METTL25: variants seen among roughly 807,000 people sequenced by gnomAD.
METTL25 encodes methyltransferase like 25.
Under a neutral mutation model 71.6 loss-of-function variants are expected in METTL25, and 64 were observed. That is an observed-to-expected ratio of 0.89 (90% CI 0.73 to 1.10). The LOEUF (loss-of-function observed/expected upper bound fraction) is 1.10, where lower values mean the gene tolerates loss of function less well. Among genes scored for constraint, METTL25 ranks in the 50% least tolerant of loss-of-function variants. METTL25 has a pLI of 0.00. For missense variants in METTL25, 807 were observed against 707.0 expected, an observed-to-expected ratio of 1.14 and a Z score of -1.60; for synonymous variants, 287 against 250.3, an observed-to-expected ratio of 1.15 and a Z score of -1.38.
chr12:82,377,697 TAATTG>T (rs1402307853), intron 1 of METTL25, among the ~76,000 whole-genome samples: 6 of 152,212 alleles, frequency 3.9e-5, no homozygotes, highest in Non-Finnish European at 7.3e-5. Flanking sequence ...AAAAAACAGT[TAATTG>T]AATTGTTTGT....
Position 82,434,715 on chromosome 12 carries a change from TG to T in METTL25, c.1397del (p.Gly466AlafsTer50). 6.2e-7 allele frequency: 1 copy of T among 1,609,534 alleles called. No individual in the cohort carries two copies. The highest frequency in any genetic ancestry group is 8.5e-7 in the Non-Finnish European group (1 of 1,176,914). The part of the protein sequence containing the change: ...ACLALERVAA[G>X]QGLPTESLFY... ...TTAAGGCATTGGAGCGGGTTGCAGC[TG>T]GCCAAGGGGTAAGTAAGAGTGTTAA... On this transcript the variant is annotated frameshift_variant, in exon 7 of 12. Coordinates refer to ENST00000248306, the MANE Select transcript of METTL25 (RefSeq NM_032230.3). LOFTEE classifies it high-confidence loss of function.
rs763000036 is a variant in METTL25 at position 82,403,150 on chromosome 12, C to T, written c.1279+20C>T. 6.3e-7 allele frequency: 1 copy of T among 1,590,912 alleles called. No homozygotes were observed. The highest frequency in any genetic ancestry group is 1.8e-5 in the Admixed American group (1 of 54,444). On this transcript the variant is annotated intron_variant, in intron 5 of 11. Transcript: ENST00000248306. ...ATAAAGGTACAAGTTCCCCATGTGT[C>T]ATAATTTTTATTCATTTGAGCATAA... is the stretch of plus-strand genomic sequence containing the variant.
At chr12:82,400,878 A>G (rs760604091) in intron 4 of METTL25, among the ~76,000 whole-genome samples, 7 of 152,162 alleles carry the variant, frequency 4.6e-5, no homozygotes, top group African/African-American at 7.2e-5. Flanking sequence ...CTAATCTTAT[A>G]TGATAAATAC....
intron 9 of METTL25, among the ~76,000 whole-genome samples, chr12:82,461,097 C>T (rs1204316265): frequency 3.3e-5 from 5 of 152,064 alleles, no homozygotes; most frequent in East Asian, 1.9e-4. Flanking sequence ...GAGCCAAGAT[C>T]GTGCCACTGC....
chr12:82,409,615 T>G (rs2137053878), intron 5 of METTL25, among the ~76,000 whole-genome samples: 2 of 152,222 alleles, frequency 1.3e-5, no homozygotes, highest in South Asian at 4.1e-4. Flanking sequence ...GGTGCAAATT[T>G]GTGACTGATC....
At chr12:82,434,588 ATAAT>A (rs552388192) in intron 6 of METTL25, 103 bp from the exon 7 acceptor site, 35 of 864,254 alleles carry the variant, frequency 4.0e-5, no homozygotes, top group Admixed American at 2.1e-4. Flanking sequence ...ATATTATCAC[ATAAT>A]TAATCTTTCT....
intron 6 of METTL25, among the ~76,000 whole-genome samples, chr12:82,432,078 A>G (rs185816142): frequency 3.5e-4 from 53 of 151,852 alleles, no homozygotes; most frequent in South Asian, 6.2e-4. Flanking sequence ...AATTTATGCA[A>G]TAAAATATTT....
At chr12:82,374,640 C>T (rs909963449) in intron 1 of METTL25, among the ~76,000 whole-genome samples, 1 of 152,176 alleles carries the variant, frequency 6.6e-6, no homozygotes, top group African/African-American at 2.4e-5. Context: ...GCTGGATTCA[C>T]CTCTGTTTGT....
chr12:82,376,400 GCT>G (rs1227975772), intron 1 of METTL25, among the ~76,000 whole-genome samples: 4 of 152,164 alleles, frequency 2.6e-5, no homozygotes. Flanking sequence ...TGCAAGTCAA[GCT>G]GTTCTTCATT....
intron 1 of METTL25, among the ~76,000 whole-genome samples, chr12:82,365,385 C>A (rs80273913): frequency 0.058 from 8,828 of 152,224 alleles, 354 homozygotes; most frequent in African/African-American, 0.11. Flanking sequence ...GAACAAGTAT[C>A]ACTTCAGGTT....
intron 7 of METTL25, among the ~76,000 whole-genome samples, chr12:82,435,021 G>GTGCT (rs750736742): frequency 1.3e-5 from 2 of 151,304 alleles, no homozygotes; most frequent in Non-Finnish European, 3.0e-5. Context: ...AGGTTTTTAG[G>GTGCT]TGCTTAGTTC....
chr12:82,416,847 T>C (rs1888027670), intron 5 of METTL25, among the ~76,000 whole-genome samples: 1 of 152,112 alleles, frequency 6.6e-6, no homozygotes, highest in Non-Finnish European at 1.5e-5. Context: ...TTCAATATAG[T>C]GTTTAATACA....
intron 9 of METTL25, among the ~76,000 whole-genome samples, chr12:82,471,006 T>C (rs1892539189): frequency 6.6e-6 from 1 of 152,192 alleles, no homozygotes; most frequent in Admixed American, 6.5e-5. Flanking sequence ...GACAAGATGC[T>C]TGCTTTCAAA....
chr12:82,398,458 A>AT (rs1886276745), intron 3 of METTL25, among the ~76,000 whole-genome samples: 1 of 152,024 alleles, frequency 6.6e-6, no homozygotes, highest in Non-Finnish European at 1.5e-5. Flanking sequence ...GCCCTGACAC[A>AT]TTGCTAAATT....
intron 5 of METTL25, among the ~76,000 whole-genome samples, chr12:82,426,008 G>A (rs1888981296): frequency 6.6e-6 from 1 of 152,044 alleles, no homozygotes; most frequent in South Asian, 2.1e-4. Flanking sequence ...GATAAAGGAT[G>A]ATTAATGCTT....
intron 8 of METTL25, among the ~76,000 whole-genome samples, chr12:82,447,573 G>T (rs1033263836): frequency 6.6e-6 from 1 of 151,502 alleles, no homozygotes; most frequent in African/African-American, 2.4e-5. Flanking sequence ...TGGTAAACAA[G>T]CAAGAACAAC....
At chr12:82,477,682 C>T (rs914949766) in intron 11 of METTL25, among the ~76,000 whole-genome samples, 8 of 151,738 alleles carry the variant, frequency 5.3e-5, no homozygotes, top group South Asian at 2.1e-4. Flanking sequence ...ATTGTATAAG[C>T]GTTTCATTTT....
At chr12:82,451,304 G>A in intron 8 of METTL25, 5 of 971,638 alleles carry the variant, frequency 5.1e-6, no homozygotes, top group Non-Finnish European at 6.1e-6. Context: ...AGAGACAGCA[G>A]CGTGTCACCA....
At chr12:82,432,818 T>A (rs1466957482) in intron 6 of METTL25, among the ~76,000 whole-genome samples, 1 of 144,238 alleles carries the variant, frequency 6.9e-6, no homozygotes, top group Non-Finnish European at 1.5e-5. Context: ...TTTCGCTCCA[T>A]AACTGACATT....
Sources: gnomAD v4.1 joint callset for allele counts (sites outside exome capture counted in the v4.1 genomes callset) on GRCh38, gnomAD v4.1.1 for gene constraint, MANE v1.5 for transcripts, NCBI Gene and HGNC (gene_info 2026-07-23, HGNC 2026-07-21) for gene names.